The following ENTPD3 variants were observed in gnomAD, a reference collection of about 807,000 sequenced individuals.
The protein encoded by ENTPD3 is ectonucleoside triphosphate diphosphohydrolase 3, also known as CD39 antigen-like 3.
A neutral mutation model predicts 51.2 loss-of-function variants in ENTPD3; 60 were observed. The observed-to-expected ratio is 1.17, with a 90% CI of 0.95 to 1.45. The LOEUF (loss-of-function observed/expected upper bound fraction) is 1.45. ENTPD3 is among the 40% of genes most tolerant of loss of function. The pLI is 0.00. For synonymous variants in ENTPD3, 221 were observed against 238.4 expected, an observed-to-expected ratio of 0.93 and a Z score of 0.67; for missense variants, 593 against 641.1, an observed-to-expected ratio of 0.93 and a Z score of 0.81.
chr3:40,387,735 A>C (rs1257634869), intron 1 of ENTPD3, among the ~76,000 whole-genome samples: 1 of 152,212 alleles, frequency 6.6e-6, no homozygotes, highest in East Asian at 1.9e-4. Context: ...AATAGGGGGA[A>C]GATTTGTTCT....
intron 10 of ENTPD3, among the ~76,000 whole-genome samples, chr3:40,426,408 G>T (rs1188462669): frequency 6.6e-6 from 1 of 151,744 alleles, no homozygotes; most frequent in Non-Finnish European, 1.5e-5. Flanking sequence ...ACTGGCCACA[G>T]ATATCATTTT....
chr3:40,415,897 G>A lies in ENTPD3; in HGVS notation c.655G>A (p.Asp219Asn), dbSNP rs767345827. The change falls in exon 7 of 11, where the codon GAC becomes AAC. Residue 219 changes from aspartate (D) to asparagine (N), a missense_variant. Coordinates refer to ENST00000301825, the MANE Select transcript of ENTPD3 (RefSeq NM_001248.4). Reference protein sequence around the residue: ...PHGVETTGALDLGGASTQISF... With the variant: ...PHGVETTGALNLGGASTQISF... ...TGGAGTGGAAACCACGGGTGCCCTG[G>A]ACTTAGGTGGTGCCTCCACCCAAAT... 1 of 1,614,126 alleles carries A rather than the reference G, an allele frequency of 6.2e-7. No individual in the cohort carries two copies. The highest frequency in any genetic ancestry group is 1.3e-5 in the African/African-American group (1 of 75,038).
At chr3:40,402,111 C>CTTTTTTTTTTTTT (rs775322652) in intron 4 of ENTPD3, among the ~76,000 whole-genome samples, 86 of 97,030 alleles carry the variant, frequency 8.9e-4, no homozygotes, top group East Asian at 1.5e-3. Context: ...ATTTCCTTTC[C>CTTTTTTTTTTTTT]TTTTTTTTTT....
intron 10 of ENTPD3, chr3:40,424,790 G>C: frequency 1.4e-6 from 1 of 701,878 alleles, no homozygotes; most frequent in South Asian, 1.5e-5. Context: ...GAAGCCTGAA[G>C]GATGTCTGGA....
intron 5 of ENTPD3, among the ~76,000 whole-genome samples, 176 bp downstream of exon 5, chr3:40,412,138 T>A (rs1955650112): frequency 1.3e-5 from 2 of 152,208 alleles, no homozygotes; most frequent in Non-Finnish European, 2.9e-5. Flanking sequence ...TTTATTTTAA[T>A]ACCCAGAAAG....
chr3:40,402,115 T>TTTTTTTC, intron 4 of ENTPD3, among the ~76,000 whole-genome samples: 1 of 31,752 alleles, frequency 3.1e-5, no homozygotes, highest in Admixed American at 5.6e-4. Context: ...CCTTTCCTTT[T>TTTTTTTC]TTTTTTTCTT....
intron 10 of ENTPD3, 96 bp from the exon 11 acceptor site, chr3:40,427,176 T>G: frequency 9.9e-7 from 1 of 1,007,510 alleles, no homozygotes; most frequent in Non-Finnish European, 1.5e-6. Context: ...CAATTTCCCA[T>G]GGGAGCTTTG....
chr3:40,421,213 G>A (rs1364416689), intron 7 of ENTPD3, among the ~76,000 whole-genome samples: 3 of 151,586 alleles, frequency 2.0e-5, no homozygotes, highest in Non-Finnish European at 4.4e-5. Flanking sequence ...TAGGAAAGAC[G>A]GGGTTTCACC....
At chr3:40,418,714 T>C (rs9859026) in intron 7 of ENTPD3, among the ~76,000 whole-genome samples, 29,257 of 152,114 alleles carry the variant, frequency 0.19, 5,860 homozygotes, top group African/African-American at 0.51. Context: ...ACTATTAACA[T>C]ACTATTGCAT....
intron 4 of ENTPD3, 138 bp from the exon 5 acceptor site, chr3:40,411,674 G>C: frequency 2.9e-6 from 2 of 699,462 alleles, no homozygotes; most frequent in Non-Finnish European, 4.6e-6. Context: ...GACCATACGG[G>C]ACTTACCACA....
intron 4 of ENTPD3, among the ~76,000 whole-genome samples, chr3:40,409,802 A>G (rs1955587195): frequency 6.6e-6 from 1 of 152,220 alleles, no homozygotes; most frequent in African/African-American, 2.4e-5. Flanking sequence ...ATGGCATGCA[A>G]TGCAACTGTA....
intron 7 of ENTPD3, 150 bp from the exon 8 acceptor site, chr3:40,422,700 T>C (rs1015940599): frequency 2.6e-5 from 16 of 618,052 alleles, no homozygotes; most frequent in African/African-American, 1.5e-4. Context: ...TCATGTTTTA[T>C]GGCTTCATAG....
intron 6 of ENTPD3, among the ~76,000 whole-genome samples, 199 bp downstream of exon 6, chr3:40,415,039 A>C (rs1329509005): frequency 1.3e-5 from 2 of 152,196 alleles, no homozygotes; most frequent in Non-Finnish European, 2.9e-5. Context: ...CATAAACAGG[A>C]CTAAATGCTA....
At chr3:40,426,410 T>C (rs1955986486) in intron 10 of ENTPD3, among the ~76,000 whole-genome samples, 1 of 152,026 alleles carries the variant, frequency 6.6e-6, no homozygotes, top group Non-Finnish European at 1.5e-5. Context: ...TGGCCACAGA[T>C]ATCATTTTTA....
chr3:40,406,108 G>A (rs541241027), intron 4 of ENTPD3, among the ~76,000 whole-genome samples: 1 of 152,304 alleles, frequency 6.6e-6, no homozygotes, highest in African/African-American at 2.4e-5. Context: ...ATCAGGCAGG[G>A]CAGGAAAAAG....
At chr3:40,427,186 G>A in intron 10 of ENTPD3, 86 bp from the exon 11 acceptor site, 1 of 1,095,930 alleles carries the variant, frequency 9.1e-7, no homozygotes, top group Non-Finnish European at 1.4e-6. Flanking sequence ...TGGGAGCTTT[G>A]TGAGGTTGAT....
intron 5 of ENTPD3, among the ~76,000 whole-genome samples, chr3:40,413,406 C>A (rs1049800130): frequency 6.6e-6 from 1 of 152,192 alleles, no homozygotes; most frequent in Non-Finnish European, 1.5e-5. Context: ...AATACTGGTT[C>A]AATTCCATTA....
chr3:40,408,977 G>T (rs905149813), intron 4 of ENTPD3, among the ~76,000 whole-genome samples: 3 of 151,940 alleles, frequency 2.0e-5, no homozygotes, highest in African/African-American at 7.3e-5. Flanking sequence ...ATTCATACAG[G>T]CTGGGTGCAG....
intron 7 of ENTPD3, among the ~76,000 whole-genome samples, chr3:40,416,412 G>A (rs1449030103): frequency 6.6e-6 from 1 of 152,136 alleles, no homozygotes; most frequent in Non-Finnish European, 1.5e-5. Flanking sequence ...TGAGAATTTT[G>A]AGACTCCCCT....
Sources: gnomAD v4.1 joint callset for allele counts (sites outside exome capture counted in the v4.1 genomes callset) on GRCh38, gnomAD v4.1.1 for gene constraint, MANE v1.5 for transcripts, NCBI Gene and HGNC (gene_info 2026-07-23, HGNC 2026-07-21) for gene names.